Variants in CACNA1E observed in about 807,000 individuals in gnomAD.
CACNA1E encodes voltage-dependent R-type calcium channel subunit alpha-1E.
CACNA1E carries 40 observed loss-of-function variants against 259.2 expected under a neutral mutation model. The ratio of observed to expected loss-of-function variants is 0.15; its 90% CI spans 0.12 to 0.20. The LOEUF (loss-of-function observed/expected upper bound fraction) is 0.20, where lower values mean the gene tolerates loss of function less well. Among genes scored for constraint, CACNA1E ranks in the 10% least tolerant of loss-of-function variants. The pLI is 1.00. For missense variants in CACNA1E, 1,874 were observed against 3,040.1 expected (o/e 0.62, Z 9.02); for synonymous variants, 1,104 against 1,138.5 (o/e 0.97, Z 0.61).
intron 3 of CACNA1E, among the ~76,000 whole-genome samples, chr1:181,577,465 G>C (rs1444142051): frequency 6.6e-6 from 1 of 152,180 alleles, no homozygotes; most frequent in Non-Finnish European, 1.5e-5. Context: ...AGGAGAAAGG[G>C]GACAAGTGTT....
At chr1:181,384,132 T>G (rs583757) in intron 1 of CACNA1E, among the ~76,000 whole-genome samples, 151,257 of 152,320 alleles carry the variant, frequency 0.99, 75,114 homozygotes, top group Middle Eastern at 1. Context: ...GATGCAAGGA[T>G]TCTGGTTCCT....
chr1:181,396,699 A>G (rs1197952061), intron 1 of CACNA1E, among the ~76,000 whole-genome samples: 1 of 152,236 alleles, frequency 6.6e-6, no homozygotes. Flanking sequence ...CCTGGTCCTG[A>G]GTAGAACAAT....
intron 3 of CACNA1E, among the ~76,000 whole-genome samples, chr1:181,514,969 G>A (rs1190149208): frequency 6.6e-6 from 1 of 152,128 alleles, no homozygotes; most frequent in African/African-American, 2.4e-5. Flanking sequence ...TTTTACAGAT[G>A]AAGAAACCGA....
At chr1:181,463,064 C>G (rs568001297) in intron 2 of CACNA1E, among the ~76,000 whole-genome samples, 2 of 152,212 alleles carry the variant, frequency 1.3e-5, no homozygotes, top group East Asian at 1.9e-4. Context: ...TTATTAGGTA[C>G]AGTAGTTCCC....
intron 1 of CACNA1E, among the ~76,000 whole-genome samples, chr1:181,400,169 C>A (rs898520200): frequency 1.3e-5 from 2 of 152,282 alleles, no homozygotes; most frequent in East Asian, 3.9e-4. Flanking sequence ...AAAAATCTAG[C>A]ATTCATTATT....
chr1:181,662,848 C>T (rs1159687568), intron 7 of CACNA1E, among the ~76,000 whole-genome samples: 1 of 152,166 alleles, frequency 6.6e-6, no homozygotes, highest in Non-Finnish European at 1.5e-5. Flanking sequence ...CAGACTGTGC[C>T]CTTGGGCCCC....
At chr1:181,504,527 C>T (rs1665546108) in intron 1 of CACNA1E, among the ~76,000 whole-genome samples, 1 of 152,172 alleles carries the variant, frequency 6.6e-6, no homozygotes, top group Non-Finnish European at 1.5e-5. Flanking sequence ...TATTTACTGC[C>T]TGAGGCCTAA....
At chr1:181,710,920 C>A in intron 7 of CACNA1E, 34 bp from the exon 8 acceptor site, 1 of 1,479,916 alleles carries the variant, frequency 6.8e-7, no homozygotes, top group Non-Finnish European at 9.4e-7. Context: ...TGGCCCTGTC[C>A]AAACCCAGTG....
intron 2 of CACNA1E, among the ~76,000 whole-genome samples, chr1:181,471,063 C>G (rs1244998817): frequency 6.6e-6 from 1 of 152,188 alleles, no homozygotes; most frequent in African/African-American, 2.4e-5. Context: ...TTCTTGAATG[C>G]TGCTTCCTCC....
At chr1:181,528,679 G>A (rs917318506) in intron 3 of CACNA1E, among the ~76,000 whole-genome samples, 1 of 152,214 alleles carries the variant, frequency 6.6e-6, no homozygotes, top group Non-Finnish European at 1.5e-5. Flanking sequence ...CTGGAGCAGA[G>A]GTGGCTCTTG....
At chr1:181,637,238 A>T (rs886411411) in intron 6 of CACNA1E, among the ~76,000 whole-genome samples, 3 of 152,200 alleles carry the variant, frequency 2.0e-5, no homozygotes, top group Non-Finnish European at 4.4e-5. Context: ...TCTTACAGAG[A>T]GGATTAGAAG....
At chr1:181,774,567 A>G (rs545731254) in intron 37 of CACNA1E, among the ~76,000 whole-genome samples, 1 of 152,228 alleles carries the variant, frequency 6.6e-6, no homozygotes, top group Non-Finnish European at 1.5e-5. Context: ...TTTCTGCTCC[A>G]TCACCTCTGT....
chr1:181,681,972 T>C (rs1650019181), intron 7 of CACNA1E, among the ~76,000 whole-genome samples: 1 of 152,162 alleles, frequency 6.6e-6, no homozygotes, highest in African/African-American at 2.4e-5. Flanking sequence ...ACACTTTCTA[T>C]AACTGTGAAA....
At chr1:181,374,182 A>T (rs1479230599) in intron 1 of CACNA1E, among the ~76,000 whole-genome samples, 1 of 152,170 alleles carries the variant, frequency 6.6e-6, no homozygotes, top group East Asian at 1.9e-4. Flanking sequence ...GATGTGTCCC[A>T]GAAAGTCTGG....
At chr1:181,396,126 T>C in intron 1 of CACNA1E, among the ~76,000 whole-genome samples, 1 of 152,196 alleles carries the variant, frequency 6.6e-6, no homozygotes, top group South Asian at 2.1e-4. Flanking sequence ...TTCCTGGCCA[T>C]GTAGGCCATC....
chr1:181,679,647 A>C (rs192406303), intron 7 of CACNA1E, among the ~76,000 whole-genome samples: 1 of 152,296 alleles, frequency 6.6e-6, no homozygotes, highest in Admixed American at 6.5e-5. Flanking sequence ...CATATTACCC[A>C]TCAGGATGGC....
intron 3 of CACNA1E, among the ~76,000 whole-genome samples, chr1:181,522,306 G>A (rs1317486782): frequency 3.3e-5 from 5 of 152,142 alleles, no homozygotes; most frequent in Admixed American, 3.3e-4. Flanking sequence ...CCAGAGTAGA[G>A]ACATAGTCCC....
intron 3 of CACNA1E, among the ~76,000 whole-genome samples, chr1:181,567,517 C>G (rs1649966090): frequency 6.6e-6 from 1 of 152,182 alleles, no homozygotes; most frequent in Non-Finnish European, 1.5e-5. Context: ...AAACAGGTCA[C>G]TGCCCCATGA....
chr1:181,558,213 A>C (rs1007635097), intron 3 of CACNA1E, among the ~76,000 whole-genome samples: 1 of 152,188 alleles, frequency 6.6e-6, no homozygotes, highest in African/African-American at 2.4e-5. Context: ...CCCTCACTGC[A>C]AGAGTTCATA....
Sources: gnomAD v4.1 joint callset for allele counts (sites outside exome capture counted in the v4.1 genomes callset) on GRCh38, gnomAD v4.1.1 for gene constraint, MANE v1.5 for transcripts, NCBI Gene and HGNC (gene_info 2026-07-23, HGNC 2026-07-21) for gene names.